Variants in NLRP1 observed in about 807,000 individuals in gnomAD.
The protein encoded by NLRP1 is NLR family pyrin domain containing 1, also known as NACHT, LRR and PYD domains-containing protein 1.
NLRP1 carries 94 observed loss-of-function variants against 136.7 expected under a neutral mutation model. The ratio of observed to expected loss-of-function variants is 0.69; its 90% CI spans 0.58 to 0.82. NLRP1 has a LOEUF of 0.82. Ranked by LOEUF, NLRP1 falls within the 40% of genes least tolerant of loss-of-function variation. The pLI is 0.00. For missense variants in NLRP1, 1,575 were observed against 1,802.7 expected (o/e 0.87, Z 2.29); for synonymous variants, 690 against 725.1 (o/e 0.95, Z 0.78).
At chr17:5,513,251 CTTA>C (rs1664604213), downstream of NLRP1, among the ~76,000 whole-genome samples, 1 of 152,104 alleles carries the variant, frequency 6.6e-6, no homozygotes, top group Non-Finnish European at 1.5e-5. Context: ...CATCTGATCT[CTTA>C]TTTTTTTCTT....
intron 3 of NLRP1, among the ~76,000 whole-genome samples, chr17:5,576,863 T>C (rs1328157209): frequency 6.6e-6 from 1 of 152,116 alleles, no homozygotes; most frequent in Non-Finnish European, 1.5e-5. Flanking sequence ...AAATCCTCAA[T>C]AAAATACTGG....
rs59564976 is a variant in NLRP1 at position 5,517,686 on chromosome 17, C to A, written c.4057+60G>T. On this transcript the variant is annotated intron_variant, in intron 15 of 16. Coordinates refer to ENST00000572272, the MANE Select transcript of NLRP1 (RefSeq NM_033004.4). ...CAGGCGTGAGCCACTGTGCCCAGCT[C>A]CTTCATTGATTTTCTTTCTCCTCCC... The A allele has an allele frequency of 0.4, 637,600 of 1,592,222 alleles. 129,485 individuals carry two copies. The highest frequency in any genetic ancestry group is 0.42 in the Admixed American group (24,592 of 59,242).
intron 3 of NLRP1, among the ~76,000 whole-genome samples, chr17:5,564,798 C>T (rs781587306): frequency 1.9e-4 from 26 of 133,364 alleles, no homozygotes; most frequent in Middle Eastern, 4.9e-3. Context: ...AGTGCAGTGG[C>T]GCAATCTTGG....
At chr17:5,521,335 G>C (rs79122567) in intron 13 of NLRP1, among the ~76,000 whole-genome samples, 189 bp downstream of exon 13, 1 of 152,198 alleles carries the variant, frequency 6.6e-6, no homozygotes, top group East Asian at 1.9e-4. Flanking sequence ...CCTAGCAGGG[G>C]GATACCTTGG....
intron 15 of NLRP1, among the ~76,000 whole-genome samples, chr17:5,507,159 G>A (rs893596726): frequency 6.6e-6 from 1 of 152,062 alleles, no homozygotes; most frequent in African/African-American, 2.4e-5. Context: ...AAAAAATTCT[G>A]GAGATGGACA....
intron 12 of NLRP1, among the ~76,000 whole-genome samples, chr17:5,524,599 C>T (rs1418829372): frequency 1.3e-5 from 2 of 152,244 alleles, no homozygotes; most frequent in Non-Finnish European, 2.9e-5. Context: ...GCGTTGCCAT[C>T]ACTGGCACTA....
Position 5,514,710 on chromosome 17 carries a change from C to A in NLRP1, c.*44G>T. On this transcript the variant is annotated 3_prime_UTR_variant, in exon 17 of 17. Coordinates refer to ENST00000572272, the MANE Select transcript of NLRP1 (RefSeq NM_033004.4). ...AAGAAACTGAGACCCAAAGAAGGGT[C>A]AGCCAAAGCCAGGACTCAAGGGTCA... is the stretch of plus-strand genomic sequence containing the variant. The A allele has an allele frequency of 1.3e-6, 2 of 1,599,026 alleles. No homozygotes were observed. Among genetic ancestry groups the A allele is most frequent in the South Asian group, 1.1e-5 (1 of 90,186 alleles).
In NLRP1 at chr17:5,530,363, C is replaced by A. The variant is rs1042615131; in HGVS notation, c.3520+118G>T. ...AAATCTTAGTCCCCATCTCCATAACCCCCCCTCGGCCCCTCTAAGGAAGCC... is the reference window on the plus strand; with the variant it reads ...AAATCTTAGTCCCCATCTCCATAACACCCCCTCGGCCCCTCTAAGGAAGCC... On this transcript the variant is annotated intron_variant, in intron 12 of 16. Transcript: ENST00000572272. The A allele has an allele frequency of 8.6e-6, 7 of 814,636 alleles. No homozygotes were observed. In the African/African-American group the frequency reaches 8.6e-5, roughly 10 times the overall value. The allele number at this position is 814,636 out of a possible 1,614,324, so 50.5% of individuals were successfully genotyped here.
intron 3 of NLRP1, among the ~76,000 whole-genome samples, chr17:5,562,670 C>T (rs760703339): frequency 7.9e-5 from 12 of 152,182 alleles, no homozygotes; most frequent in African/African-American, 1.4e-4. Flanking sequence ...TACTGGATGG[C>T]GGCCCCAAAA....
chr17:5,531,164 AATCTATCTAATCT>A (rs1373471674), intron 11 of NLRP1, among the ~76,000 whole-genome samples: 40 of 138,442 alleles, frequency 2.9e-4, no homozygotes, highest in Middle Eastern at 7.6e-3. Flanking sequence ...CTATCTATCT[AATCTATCTAATCT>A]ATCTATCTAT....
intron 3 of NLRP1, among the ~76,000 whole-genome samples, chr17:5,575,646 G>C (rs938524284): frequency 6.6e-6 from 1 of 152,106 alleles, no homozygotes; most frequent in East Asian, 1.9e-4. Context: ...GACCTACAAA[G>C]AGACTTAAGA....
At chr17:5,538,869 T>C (rs34878096) in intron 7 of NLRP1, among the ~76,000 whole-genome samples, 7,204 of 151,386 alleles carry the variant, frequency 0.048, 198 homozygotes, top group Middle Eastern at 0.088. Flanking sequence ...TTGTTTTTAT[T>C]TTATTTGTTT....
rs780193802 is a variant in NLRP1 at position 5,501,814 on chromosome 17, C to T, written c.4128G>A (p.Ter1376=). ...TGGTACTGCCGCAGGCTGCTGGGCA[C>T]TAGTATCTCCTGGCGTCTCTGTTGC... Residue 1376 remains the stop codon, a stop_retained_variant, in exon 16 of 16, where the codon TAG becomes TAA. Coordinates refer to the NLRP1 transcript ENST00000262467. 7.4e-6 allele frequency: 12 copies of T among 1,613,630 alleles called. No homozygotes were observed. The South Asian group carries it at 1.1e-4, about 15-fold the overall frequency.
chr17:5,562,750 G>C (rs1203378361), intron 3 of NLRP1, among the ~76,000 whole-genome samples: 1 of 152,214 alleles, frequency 6.6e-6, no homozygotes, highest in South Asian at 2.1e-4. Context: ...CCAGTGCCCT[G>C]CCCCAGCCAA....
intron 3 of NLRP1, among the ~76,000 whole-genome samples, chr17:5,567,313 T>A (rs1276600384): frequency 6.6e-6 from 1 of 152,222 alleles, no homozygotes; most frequent in African/African-American, 2.4e-5. Context: ...TGATTTTTAT[T>A]TTTTGTGTAT....
intron 12 of NLRP1, among the ~76,000 whole-genome samples, chr17:5,525,979 A>AT (rs10643993): frequency 0.44 from 64,989 of 147,634 alleles, 17,479 homozygotes; most frequent in East Asian, 0.86. Flanking sequence ...AAGCTACTAA[A>AT]TTTTTTTTTT....
At chr17:5,524,727 T>C (rs866989351) in intron 12 of NLRP1, among the ~76,000 whole-genome samples, 10 of 152,352 alleles carry the variant, frequency 6.6e-5, no homozygotes, top group South Asian at 2.1e-4. Context: ...GCCATGGTCC[T>C]AGGACCAGAT....
rs1459809174 is a variant in NLRP1 at position 5,537,583 on chromosome 17, C to G, written c.2871-643G>C. The stretch of plus-strand genomic sequence containing the variant: ...ATGAATCAATCCTGCCCTGCCTGTT[C>G]TGAGGCCCAGACAAGGAGGCGGTGA... On this transcript the variant is annotated intron_variant, in intron 7 of 16. Transcript: ENST00000572272. This position sits in a 1 kb window ranked among gnomAD's most constrained non-coding sequence, Gnocchi z 4.5. 6.6e-6 allele frequency among the ~76,000 whole-genome samples: 1 copy of G among 152,222 alleles called. No individual in the cohort carries two copies. Among genetic ancestry groups the G allele is most frequent in the Non-Finnish European group, 1.5e-5 (1 of 68,042 alleles).
At position 5,559,766 on chromosome 17, in the gene NLRP1, A is replaced by G. The variant is rs1340312640; in HGVS notation, c.930T>C (p.His310=). The change falls in exon 4 of 17, where the codon CAT becomes CAC. Residue 310 remains histidine, a synonymous_variant. Transcript: ENST00000572272. ...CAAATAAGTCTCTGATCTCAATTAA[A>G]TGTCCTCGATTCTCCTCCACATAAT... is the stretch of plus-strand genomic sequence containing the variant. ...WPDYVEENRG[H]LIEIRDLFGP... 1.2e-6 allele frequency: 2 copies of G among 1,614,250 alleles called. No homozygotes were observed. The highest frequency in any genetic ancestry group is 3.3e-5 in the Admixed American group (2 of 60,030).
Sources: gnomAD v4.1 joint callset for allele counts (sites outside exome capture counted in the v4.1 genomes callset) on GRCh38, gnomAD v4.1.1 for gene constraint, Gnocchi (gnomAD v3.1) non-coding constraint, MANE v1.5 for transcripts, NCBI Gene and HGNC (gene_info 2026-07-23, HGNC 2026-07-21) for gene names.